Variants in PDZRN3 observed in about 807,000 individuals in gnomAD.
PDZRN3 encodes PDZ domain containing ring finger 3.
In PDZRN3, 38 loss-of-function variants were observed where a neutral mutation model predicts 85.7. The observed-to-expected ratio is 0.44, with a 90% confidence interval of 0.34 to 0.58. PDZRN3 has a LOEUF of 0.58. PDZRN3 is among the 20% of genes least tolerant of loss of function. The pLI is 0.01. For synonymous variants in PDZRN3, 759 were observed against 638.0 expected (o/e 1.19, Z -2.86); for missense variants, 1,629 against 1,506.4 (o/e 1.08, Z -1.35).
At chr3:73,615,632 C>T (rs1343103464) in intron 1 of PDZRN3, among the ~76,000 whole-genome samples, 2 of 152,168 alleles carry the variant, frequency 1.3e-5, no homozygotes, top group Non-Finnish European at 2.9e-5. Context: ...TAAGTGGGTC[C>T]TCACCAGACC....
At chr3:73,477,445 T>C (rs1703478968) in intron 3 of PDZRN3, among the ~76,000 whole-genome samples, 1 of 152,164 alleles carries the variant, frequency 6.6e-6, no homozygotes, top group Admixed American at 6.5e-5. Flanking sequence ...AGACAGATAA[T>C]TCCTGGATTG....
chr3:73,593,561 G>A (rs772491083), intron 3 of PDZRN3, among the ~76,000 whole-genome samples: 8 of 152,142 alleles, frequency 5.3e-5, no homozygotes, highest in Middle Eastern at 6.3e-3. Context: ...CATACCTGGC[G>A]CCATATGCTA....
At chr3:73,616,769 G>A (rs1336125590) in intron 1 of PDZRN3, among the ~76,000 whole-genome samples, 1 of 152,138 alleles carries the variant, frequency 6.6e-6, no homozygotes, top group East Asian at 1.9e-4. Flanking sequence ...GTGCCCTTAT[G>A]TACATCATCT....
chr3:73,608,472 C>T (rs7616628), intron 2 of PDZRN3, 126 bp downstream of exon 2: 8 of 693,808 alleles, frequency 1.2e-5, no homozygotes, highest in Non-Finnish European at 2.1e-5. Flanking sequence ...GCCAATGAAC[C>T]CTCTAATGAC....
At chr3:73,581,672 T>G (rs1055344824) in intron 3 of PDZRN3, among the ~76,000 whole-genome samples, 2 of 152,192 alleles carry the variant, frequency 1.3e-5, no homozygotes, top group Admixed American at 1.3e-4. Context: ...ACTCATATGA[T>G]GCAACATCAT....
intron 3 of PDZRN3, among the ~76,000 whole-genome samples, chr3:73,427,455 T>C (rs1364004360): frequency 6.7e-6 from 1 of 148,894 alleles, no homozygotes; most frequent in Non-Finnish European, 1.5e-5. Flanking sequence ...ACCGCCCACA[T>C]TTAACCATGA....
chr3:73,549,261 C>T (rs138448890), intron 3 of PDZRN3, among the ~76,000 whole-genome samples: 14 of 152,260 alleles, frequency 9.2e-5, no homozygotes, highest in Non-Finnish European at 1.8e-4. Context: ...TGGCAGTGCA[C>T]GACTTCAATT....
intron 3 of PDZRN3, among the ~76,000 whole-genome samples, chr3:73,416,616 C>T (rs1702086813): frequency 6.6e-6 from 1 of 152,070 alleles, no homozygotes; most frequent in African/African-American, 2.4e-5. Flanking sequence ...TTATCTCCCC[C>T]CACAGGAAGG....
chr3:73,597,344 C>T (rs1009254321), intron 3 of PDZRN3, among the ~76,000 whole-genome samples: 7 of 152,152 alleles, frequency 4.6e-5, no homozygotes, highest in African/African-American at 1.4e-4. Context: ...AAGAGAATGA[C>T]CGGTTTACAC....
chr3:73,566,343 A>T (rs1034949370), intron 3 of PDZRN3, among the ~76,000 whole-genome samples: 5 of 152,218 alleles, frequency 3.3e-5, no homozygotes, highest in African/African-American at 1.2e-4. Context: ...ATTTACATGA[A>T]CTGTGAGCAC....
At chr3:73,551,990 T>C (rs775045596) in intron 3 of PDZRN3, among the ~76,000 whole-genome samples, 2 of 152,232 alleles carry the variant, frequency 1.3e-5, no homozygotes, top group Non-Finnish European at 2.9e-5. Context: ...TACCCATGCC[T>C]GTCCAAGTGA....
At chr3:73,486,339 T>G (rs545489888) in intron 3 of PDZRN3, among the ~76,000 whole-genome samples, 25 of 152,028 alleles carry the variant, frequency 1.6e-4, no homozygotes, top group Non-Finnish European at 2.5e-4. Context: ...CAGCTGGGGA[T>G]TCCCATGGCT....
At position 73,513,062 on chromosome 3, in the gene PDZRN3, G is replaced by T. The variant is rs113577954; in HGVS notation, c.918+89292C>A. 8.8e-3 allele frequency among the ~76,000 whole-genome samples: 1,346 copies of T among 152,230 alleles called. 15 individuals carry two copies. Among genetic ancestry groups the T allele is most frequent in the African/African-American group, 0.03 (1,242 of 41,536 alleles). The stretch of plus-strand genomic sequence containing the variant: ...GCCAGTTCCCAGGTGCTGAGATAGG[G>T]TGTTGCGGAGGCTGCAGCCACAGCC... On this transcript the variant is annotated intron_variant, in intron 3 of 9. Coordinates refer to ENST00000263666, the MANE Select transcript of PDZRN3 (RefSeq NM_015009.3).
chr3:73,573,217 A>G (rs1482100320), intron 3 of PDZRN3, among the ~76,000 whole-genome samples: 1 of 152,214 alleles, frequency 6.6e-6, no homozygotes, highest in African/African-American at 2.4e-5. Flanking sequence ...GCTAGGCAAG[A>G]TCTCCAGGGC....
intron 3 of PDZRN3, among the ~76,000 whole-genome samples, chr3:73,594,803 A>C (rs979745535): frequency 2.6e-5 from 4 of 152,188 alleles, no homozygotes; most frequent in African/African-American, 9.6e-5. Flanking sequence ...AGGGGAAAAT[A>C]TGATATTCAC....
chr3:73,405,896 T>C (rs938185507), intron 3 of PDZRN3, among the ~76,000 whole-genome samples: 1 of 152,164 alleles, frequency 6.6e-6, no homozygotes, highest in African/African-American at 2.4e-5. Flanking sequence ...TCTCTTTTTT[T>C]CCCCCAAACC....
intron 3 of PDZRN3, among the ~76,000 whole-genome samples, chr3:73,545,324 G>C (rs892112541): frequency 6.6e-6 from 1 of 152,174 alleles, no homozygotes; most frequent in Non-Finnish European, 1.5e-5. Context: ...GCGGATCAGA[G>C]GGTTTAAGAA....
chr3:73,614,462 G>C (rs1234630561), intron 1 of PDZRN3, among the ~76,000 whole-genome samples: 1 of 152,190 alleles, frequency 6.6e-6, no homozygotes, highest in Non-Finnish European at 1.5e-5. Flanking sequence ...TCTGCCTAAG[G>C]ACAGGTGTTC....
intron 3 of PDZRN3, among the ~76,000 whole-genome samples, chr3:73,417,331 T>A (rs936536166): frequency 6.6e-6 from 1 of 152,212 alleles, no homozygotes; most frequent in African/African-American, 2.4e-5. Flanking sequence ...AGCCTGCAGT[T>A]AGCAGGGCAG....
Sources: gnomAD v4.1 joint callset for allele counts (sites outside exome capture counted in the v4.1 genomes callset) on GRCh38, gnomAD v4.1.1 for gene constraint, MANE v1.5 for transcripts, NCBI Gene and HGNC (gene_info 2026-07-23, HGNC 2026-07-21) for gene names.